Variants in PLGRKT observed in about 807,000 individuals in gnomAD.
PLGRKT encodes plasminogen receptor (KT).
PLGRKT carries 22 observed loss-of-function variants against 18.5 expected under a neutral mutation model. That is an observed-to-expected ratio of 1.19 (90% confidence interval 0.85 to 1.70). The LOEUF (loss-of-function observed/expected upper bound fraction) is 1.70. Ranked by LOEUF, PLGRKT falls within the 40% of genes most tolerant of loss-of-function variation. The pLI, the probability that PLGRKT is intolerant of heterozygous loss-of-function variation, is 0.00. For missense variants in PLGRKT, 235 were observed against 174.4 expected, an observed-to-expected ratio of 1.35 and a Z score of -1.96; for synonymous variants, 72 against 52.8, an observed-to-expected ratio of 1.36 and a Z score of -1.58.
chr9:5,397,987 T>C (rs1251206030), intron 3 of PLGRKT, among the ~76,000 whole-genome samples: 5 of 151,890 alleles, frequency 3.3e-5, no homozygotes, highest in Admixed American at 6.6e-5. Flanking sequence ...TCTGTGCAAA[T>C]AGGAACTCTG....
intron 2 of PLGRKT, among the ~76,000 whole-genome samples, chr9:5,435,797 G>C (rs1388835113): frequency 6.6e-6 from 1 of 152,234 alleles, no homozygotes; most frequent in Non-Finnish European, 1.5e-5. Context: ...GTTGAGTAGG[G>C]TTGTGAACCT....
At chr9:5,378,525 C>G (rs1817674774) in intron 3 of PLGRKT, among the ~76,000 whole-genome samples, 1 of 152,164 alleles carries the variant, frequency 6.6e-6, no homozygotes, top group South Asian at 2.1e-4. Flanking sequence ...AAAAAACTAG[C>G]CCATGCTCTT....
chr9:5,397,599 G>A (rs1963162), intron 3 of PLGRKT, among the ~76,000 whole-genome samples: 56,167 of 151,282 alleles, frequency 0.37, 12,510 homozygotes, highest in African/African-American at 0.6. Flanking sequence ...AAAGAAACAG[G>A]GAAAAGGAGG....
chr9:5,430,469 C>G (rs535780640), intron 3 of PLGRKT, among the ~76,000 whole-genome samples: 7 of 152,324 alleles, frequency 4.6e-5, no homozygotes, highest in East Asian at 1.9e-4. Flanking sequence ...ATAAGACACT[C>G]TTGTCAGTCA....
chr9:5,415,124 A>G (rs906742475), intron 3 of PLGRKT, among the ~76,000 whole-genome samples: 4 of 152,198 alleles, frequency 2.6e-5, no homozygotes, highest in African/African-American at 9.7e-5. Context: ...CAGGAACAAT[A>G]TAAGATAAGC....
chr9:5,395,105 C>CAAAA (rs34566239), intron 3 of PLGRKT, among the ~76,000 whole-genome samples: 2,148 of 123,426 alleles, frequency 0.017, 43 homozygotes, highest in Middle Eastern at 0.05. Flanking sequence ...AAAGGCTTTG[C>CAAAA]AAAAAAAAAA....
Position 5,432,029 on chromosome 9 carries a change from G to T in PLGRKT, c.-6-46C>A, listed in dbSNP as rs766005092. On this transcript the variant is annotated intron_variant, in intron 2 of 5. Coordinates refer to ENST00000223864, the MANE Select transcript of PLGRKT (RefSeq NM_018465.4). ...GGAGACTTATAATAATACACTACATGCATTCTTGTATGCTCCACTTTGAGC... is the reference window on the plus strand; with the variant it reads ...GGAGACTTATAATAATACACTACATTCATTCTTGTATGCTCCACTTTGAGC... 13 of 822,570 alleles carry T rather than the reference G, an allele frequency of 1.6e-5. No homozygotes were observed. In the African/African-American group the frequency reaches 2.0e-4, roughly 13 times the overall value. The allele number at this position is 822,570 out of a possible 1,614,324, so 51.0% of individuals were successfully genotyped here.
chr9:5,425,945 T>G (rs539803175), intron 3 of PLGRKT, among the ~76,000 whole-genome samples: 5 of 152,380 alleles, frequency 3.3e-5, no homozygotes, highest in Admixed American at 1.3e-4. Flanking sequence ...CTATTTATCC[T>G]TCTCATGAGG....
intron 3 of PLGRKT, among the ~76,000 whole-genome samples, chr9:5,413,894 G>C (rs945558572): frequency 1.3e-5 from 2 of 152,098 alleles, no homozygotes; most frequent in African/African-American, 4.8e-5. Flanking sequence ...AATTGATTTG[G>C]AGTGGTTTCC....
intron 3 of PLGRKT, among the ~76,000 whole-genome samples, chr9:5,388,130 C>A (rs1171704993): frequency 6.6e-6 from 1 of 151,712 alleles, no homozygotes; most frequent in Non-Finnish European, 1.5e-5. Flanking sequence ...CCCCAGGAAG[C>A]GAGTATAGAT....
chr9:5,424,698 A>ACACACACACAC lies in PLGRKT; in HGVS notation c.81+7198_81+7199insGTGTGTGTGTG, dbSNP rs554487361. Among the ~76,000 whole-genome samples the ACACACACACAC allele has an allele frequency of 2.0e-3, 150 of 75,350 alleles. 1 individual carries two copies. The highest frequency in any genetic ancestry group is 6.8e-3 in the African/African-American group (147 of 21,572). The allele number at this position is 75,350 out of a possible 152,430, so 49.4% of individuals were successfully genotyped here. On this transcript the variant is annotated intron_variant, in intron 3 of 5. Coordinates refer to ENST00000223864, the MANE Select transcript of PLGRKT (RefSeq NM_018465.4). ...TATATATATATATATATATACACAC[A>ACACACACACAC]GGGGGGGGAGAGAGGGAGAGACAGA...
intron 3 of PLGRKT, among the ~76,000 whole-genome samples, chr9:5,428,230 T>C (rs1818740595): frequency 6.6e-6 from 1 of 152,044 alleles, no homozygotes; most frequent in South Asian, 2.1e-4. Context: ...ATAAAGTAAA[T>C]ACAAAGCCTT....
At position 5,361,871 on chromosome 9, in the gene PLGRKT, G is replaced by C; in HGVS notation, c.99C>G (p.Ile33Met). 1.2e-6 allele frequency: 2 copies of C among 1,612,854 alleles called. No individual in the cohort carries two copies. Among genetic ancestry groups the C allele is most frequent in the Non-Finnish European group, 1.7e-6 (2 of 1,179,532 alleles). Reference sequence around the variant, plus strand: ...GTCTTTCCCTCATTTCACTCTGCATGATGAGCTGCCTTTCCAGCTAAGGAC... The same window carrying C: ...GTCTTTCCCTCATTTCACTCTGCATCATGAGCTGCCTTTCCAGCTAAGGAC... ...NARLQLERQL[I>M]MQSEMRERQM... Residue 33 changes from isoleucine (I) to methionine (M), a missense_variant, in exon 4 of 6, where the codon ATC (isoleucine) becomes ATG (methionine). Ile to Met is a conservative substitution (Grantham distance 10, BLOSUM62 1). Coordinates refer to ENST00000223864, the MANE Select transcript of PLGRKT (RefSeq NM_018465.4).
chr9:5,417,846 T>C (rs1047228292), intron 3 of PLGRKT, among the ~76,000 whole-genome samples: 20 of 152,074 alleles, frequency 1.3e-4, no homozygotes, highest in African/African-American at 4.6e-4. Context: ...TTTGCTGCCA[T>C]TCAAAATGTA....
rs969376311 is a variant in PLGRKT at position 5,362,040 on chromosome 9, T to C, written c.82-152A>G. The C allele has an allele frequency of 1.1e-5, 8 of 706,344 alleles. 1 individual carries two copies. The highest frequency in any genetic ancestry group is 1.1e-4 in the African/African-American group (6 of 55,284). The allele number at this position is 706,344 out of a possible 1,614,324, so 43.8% of individuals were successfully genotyped here. Reference sequence around the variant, plus strand: ...CAACAGACTTTGACTAAAGTTCCTTTGGACAGCTCTCACCAACTGTCACCT... The same window carrying C: ...CAACAGACTTTGACTAAAGTTCCTTCGGACAGCTCTCACCAACTGTCACCT... On this transcript the variant is annotated intron_variant, in intron 3 of 5. Transcript: ENST00000223864.
chr9:5,427,295 T>G (rs953254555), intron 3 of PLGRKT, among the ~76,000 whole-genome samples: 3 of 152,128 alleles, frequency 2.0e-5, no homozygotes, highest in African/African-American at 7.2e-5. Context: ...GGTGTGCAGG[T>G]AACCCTTGTT....
Position 5,409,195 on chromosome 9 carries a change from G to C in PLGRKT, c.81+22702C>G, listed in dbSNP as rs201872834. On this transcript the variant is annotated intron_variant, in intron 3 of 5. Transcript: ENST00000223864. ...GAGTGTCAACTTGATTGGATTGAAG[G>C]ATGCAAAGTATTAATCCTGGGTATA... Among the ~76,000 whole-genome samples the C allele has an allele frequency of 1.4e-4, 21 of 152,288 alleles. No homozygotes were observed. In the East Asian group the frequency reaches 2.3e-3, roughly 17 times the overall value.
intron 3 of PLGRKT, among the ~76,000 whole-genome samples, chr9:5,399,257 C>A (rs922867743): frequency 6.6e-6 from 1 of 151,882 alleles, no homozygotes; most frequent in African/African-American, 2.4e-5. Context: ...TGTCTAATGT[C>A]AATTTAATTC....
intron 3 of PLGRKT, among the ~76,000 whole-genome samples, chr9:5,429,770 T>C (rs1409611442): frequency 6.6e-6 from 1 of 152,176 alleles, no homozygotes; most frequent in Admixed American, 6.5e-5. Flanking sequence ...ACATATGAAT[T>C]TGGAGACAGG....
Sources: gnomAD v4.1 joint callset for allele counts (sites outside exome capture counted in the v4.1 genomes callset) on GRCh38, gnomAD v4.1.1 for gene constraint, MANE v1.5 for transcripts, NCBI Gene and HGNC (gene_info 2026-07-23, HGNC 2026-07-21) for gene names.